CD276: variants seen among roughly 807,000 people sequenced by gnomAD.
CD276 encodes the protein CD276 antigen.
Under a neutral mutation model 50.0 loss-of-function variants are expected in CD276, and 34 were observed. The observed-to-expected ratio is 0.68, with a 90% CI of 0.52 to 0.91. The LOEUF (loss-of-function observed/expected upper bound fraction) is 0.91, where lower values mean the gene tolerates loss of function less well. Among genes scored for constraint, CD276 ranks in the 40% least tolerant of loss-of-function variants. The probability of loss-of-function intolerance (pLI) is 0.00; values close to 1 mark genes in which losing one functional copy is unlikely to be tolerated. For missense variants in CD276, 634 were observed against 717.5 expected, an observed-to-expected ratio of 0.88 and a Z score of 1.33; for synonymous variants, 275 against 313.0, an observed-to-expected ratio of 0.88 and a Z score of 1.28.
rs1900432869 is a variant in CD276 at position 73,702,400 on chromosome 15, G to GGTGC, written c.226_229dup (p.His77ArgfsTer6). 1 of 1,613,666 alleles carries GGTGC rather than the reference G, an allele frequency of 6.2e-7. No individual in the cohort carries two copies. Among genetic ancestry groups the GGTGC allele is most frequent in the Non-Finnish European group, 8.5e-7 (1 of 1,180,042 alleles). On this transcript the variant is annotated frameshift_variant, in exon 3 of 10. Coordinates refer to ENST00000318443, the MANE Select transcript of CD276 (RefSeq NM_001024736.2). LOFTEE classifies it high-confidence loss of function. ...GGCAGCTGACAGATACCAAACAGCTGGTGCACAGCTTTGCTGAGGGCCAGG... is the reference window on the plus strand; with the variant it reads ...GGCAGCTGACAGATACCAAACAGCTGGTGCGTGCACAGCTTTGCTGAGGGCCAGG...
At chr15:73,700,672 G>A (rs540170160) in intron 2 of CD276, among the ~76,000 whole-genome samples, 1 of 152,220 alleles carries the variant, frequency 6.6e-6, no homozygotes, top group South Asian at 2.1e-4. Context: ...CAAAGATTAT[G>A]ATACTGAGTA....
At chr15:73,699,839 C>A (rs1384654716) in intron 2 of CD276, 121 bp downstream of exon 2, 13 of 1,200,166 alleles carry the variant, frequency 1.1e-5, no homozygotes, top group East Asian at 2.6e-5. Flanking sequence ...CCATACCTTA[C>A]TTCCACCTGT....
chr15:73,690,824 G>A, intron 1 of CD276: 1 of 455,512 alleles, frequency 2.2e-6, no homozygotes, highest in South Asian at 1.6e-5. Flanking sequence ...AGCCCACTGT[G>A]GTGAGGGGCA....
At chr15:73,693,173 C>T (rs575317493) in intron 1 of CD276, among the ~76,000 whole-genome samples, 2 of 152,140 alleles carry the variant, frequency 1.3e-5, no homozygotes, top group Non-Finnish European at 2.9e-5. Context: ...CCTGTCCTCT[C>T]CCTGAGGACC....
chr15:73,693,639 G>A (rs1055310628), intron 1 of CD276, among the ~76,000 whole-genome samples: 2 of 152,160 alleles, frequency 1.3e-5, no homozygotes, highest in Admixed American at 6.5e-5. Context: ...TTGGTGAATG[G>A]TGTGACATGG....
chr15:73,710,376 T>C (rs1900843636), intron 8 of CD276, among the ~76,000 whole-genome samples: 1 of 152,208 alleles, frequency 6.6e-6, no homozygotes, highest in Admixed American at 6.5e-5. Flanking sequence ...CTCTTTCAGG[T>C]GACTGGAGAG....
In CD276 at chr15:73,714,474, C is replaced by T. The variant is rs752733565; in HGVS notation, c.*1518C>T. On this transcript the variant is annotated 3_prime_UTR_variant, in exon 10 of 10. Coordinates refer to ENST00000318443, the MANE Select transcript of CD276 (RefSeq NM_001024736.2). ...GTGGGACTCGGAGGGATTTTGTAAA[C>T]TGGGGGTATATTTTGGGGAAAATAA... is the stretch of plus-strand genomic sequence containing the variant. 7.9e-5 allele frequency: 12 copies of T among 152,390 alleles called. No individual in the cohort carries two copies. Among genetic ancestry groups the T allele is most frequent in the Non-Finnish European group, 1.6e-4 (11 of 68,086 alleles). 9.4% of individuals were successfully genotyped at this position (152,390 alleles called of 1,614,324 possible).
chr15:73,704,599 T>C lies in CD276; in HGVS notation c.1369+127T>C. ...CAAAATCCCTTTCATAGACTTCAGG[T>C]GCTCACACTCTTCCCCACAAGTCCT... On this transcript the variant is annotated intron_variant, in intron 6 of 9. Coordinates refer to ENST00000318443, the MANE Select transcript of CD276 (RefSeq NM_001024736.2). This position sits in a 1 kb window ranked among gnomAD's most constrained non-coding sequence, Gnocchi z 4.1. The C allele has an allele frequency of 8.1e-7, 1 of 1,235,448 alleles. No homozygotes were observed. Among genetic ancestry groups the C allele is most frequent in the Non-Finnish European group, 1.1e-6 (1 of 900,018 alleles). The allele number at this position is 1,235,448 out of a possible 1,614,324, so 76.5% of individuals were successfully genotyped here.
In CD276 at chr15:73,708,340, G is replaced by A. The variant is rs112297497; in HGVS notation, c.1371G>A (p.Gly457=). 7 of 1,613,744 alleles carry A rather than the reference G, an allele frequency of 4.3e-6. No individual in the cohort carries two copies. Among genetic ancestry groups the A allele is most frequent in the Middle Eastern group, 1.7e-4 (1 of 5,998 alleles). ...CACTGTTGCTACTTTTCCTCTCAGG[G>A]CAGCCTATGACATTCCCCCCAGAGG... The part of the protein sequence containing the change: ...QDAHGSVTIT[G]QPMTFPPEAL... The change falls in exon 7 of 10, where the codon GGG becomes GGA. Residue 457 remains glycine, a splice_region_variant and synonymous_variant. Transcript: ENST00000318443.
At chr15:73,706,158 G>C (rs1900644004) in intron 6 of CD276, among the ~76,000 whole-genome samples, 1 of 152,218 alleles carries the variant, frequency 6.6e-6, no homozygotes, top group Non-Finnish European at 1.5e-5. Context: ...GCTGGGGCAA[G>C]AGAATTGCTT....
Position 73,687,080 on chromosome 15 carries a change from A to G in CD276, c.-55+2620A>G, listed in dbSNP as rs894865806. On this transcript the variant is annotated intron_variant, in intron 1 of 9. Transcript: ENST00000318443. This position sits in a 1 kb window ranked among gnomAD's most constrained non-coding sequence, Gnocchi z 4.0. Reference sequence around the variant, plus strand: ...GACTGGTCCACATGATTTTTGAGAAATTGCCTTTGGTCTTGTTGGCTCAGA... The same window carrying G: ...GACTGGTCCACATGATTTTTGAGAAGTTGCCTTTGGTCTTGTTGGCTCAGA... Among the ~76,000 whole-genome samples the G allele has an allele frequency of 6.6e-6, 1 of 152,004 alleles. No individual in the cohort carries two copies. Among genetic ancestry groups the G allele is most frequent in the African/African-American group, 2.4e-5 (1 of 41,374 alleles).
chr15:73,702,311 G>A lies in CD276; in HGVS notation c.136G>A (p.Ala46Thr). 6.2e-7 allele frequency: 1 copy of A among 1,613,280 alleles called. No homozygotes were observed. Among genetic ancestry groups the A allele is most frequent in the South Asian group, 1.1e-5 (1 of 91,060 alleles). ...DPVVALVGTD[A>T]TLCCSFSPEP... is the part of the protein sequence containing the mutation. ...AGTGGTGGCACTGGTGGGCACCGAT[G>A]CCACCCTGTGCTGCTCCTTCTCCCC... Residue 46 changes from alanine to threonine, a missense_variant, in exon 3 of 10, where the codon GCC becomes ACC. By Grantham distance (58) the Ala-to-Thr change is moderately conservative. Coordinates refer to ENST00000318443, the MANE Select transcript of CD276 (RefSeq NM_001024736.2).
intron 1 of CD276, chr15:73,684,927 G>T (rs1899680883): frequency 6.5e-6 from 1 of 152,950 alleles, no homozygotes. Context: ...TCCTGCAGAG[G>T]AAAACGCCCA....
rs373863080 is a variant in CD276 at position 73,702,476 on chromosome 15, G to A, written c.301G>A (p.Ala101Thr). ...NRTALFPDLL[A>T]QGNASLRLQR... ...CACGGCCCTCTTCCCGGACCTGCTGGCACAGGGCAACGCATCCCTGAGGCT... is the reference window on the plus strand; with the variant it reads ...CACGGCCCTCTTCCCGGACCTGCTGACACAGGGCAACGCATCCCTGAGGCT... The change falls in exon 3 of 10, where the codon GCA becomes ACA. Residue 101 changes from alanine to threonine, a missense_variant. Transcript: ENST00000318443. The A allele has an allele frequency of 5.9e-5, 96 of 1,613,632 alleles. No individual in the cohort carries two copies. Among genetic ancestry groups the A allele is most frequent in the South Asian group, 5.5e-4 (50 of 91,078 alleles).
At chr15:73,708,065 A>C (rs1222942864) in intron 6 of CD276, among the ~76,000 whole-genome samples, 1 of 152,212 alleles carries the variant, frequency 6.6e-6, no homozygotes, top group East Asian at 1.9e-4. Flanking sequence ...GCATTATTCT[A>C]AAGTCACTAG....
rs776095266 is a variant in CD276 at position 73,702,995 on chromosome 15, A to G, written c.642A>G (p.Ala214=). The G allele has an allele frequency of 3.5e-5, 57 of 1,614,002 alleles. No individual in the cohort carries two copies. Among genetic ancestry groups the G allele is most frequent in the African/African-American group, 1.1e-4 (8 of 74,942 alleles). ...VHSILRVVLG[A]NGTYSCLVRN... Reference sequence around the variant, plus strand: ...GCATCCTGCGGGTGGTGCTGGGTGCAAATGGCACCTACAGCTGCCTGGTGC... The same window carrying G: ...GCATCCTGCGGGTGGTGCTGGGTGCGAATGGCACCTACAGCTGCCTGGTGC... Residue 214 remains alanine (A), a synonymous_variant, in exon 4 of 10, where the codon GCA becomes GCG. Coordinates refer to ENST00000318443, the MANE Select transcript of CD276 (RefSeq NM_001024736.2).
intron 1 of CD276, among the ~76,000 whole-genome samples, chr15:73,696,156 G>A (rs1900164677): frequency 6.6e-6 from 1 of 152,228 alleles, no homozygotes; most frequent in African/African-American, 2.4e-5. Context: ...TTGGGATAGA[G>A]CAGGAAGGAG....
At chr15:73,689,609 TA>T (rs1487678130) in intron 1 of CD276, among the ~76,000 whole-genome samples, 1 of 152,210 alleles carries the variant, frequency 6.6e-6, no homozygotes, top group Non-Finnish European at 1.5e-5. Context: ...TTGAGTCCTA[TA>T]ATCATCCTAT....
intron 1 of CD276, among the ~76,000 whole-genome samples, chr15:73,688,302 A>G (rs1899846569): frequency 6.6e-6 from 1 of 152,040 alleles, no homozygotes; most frequent in African/African-American, 2.4e-5. Flanking sequence ...AATAACAGCA[A>G]TAATAATAAT....
Sources: allele counts gnomAD v4.1 joint callset (sites outside exome capture counted in the v4.1 genomes callset), GRCh38; gene constraint gnomAD v4.1.1; non-coding constraint Gnocchi (gnomAD v3.1); transcripts MANE v1.5; gene names NCBI Gene and HGNC (gene_info 2026-07-23, HGNC 2026-07-21).